The following MAGI2 variants were observed in gnomAD, a reference collection of about 807,000 sequenced individuals.
MAGI2 encodes the protein membrane associated guanylate kinase, WW and PDZ domain containing 2.
In MAGI2, 35 loss-of-function variants were observed where a neutral mutation model predicts 133.3. The ratio of observed to expected loss-of-function variants is 0.26; its 90% CI spans 0.20 to 0.35. The LOEUF (loss-of-function observed/expected upper bound fraction) is 0.35, where lower values mean the gene tolerates loss of function less well. Among genes scored for constraint, MAGI2 ranks in the 10% least tolerant of loss-of-function variants. MAGI2 has a pLI of 1.00. For synonymous variants in MAGI2, 729 were observed against 710.6 expected (o/e 1.03, Z -0.41); for missense variants, 1,636 against 1,863.4 (o/e 0.88, Z 2.25).
chr7:79,077,209 T>C (rs1395463718), intron 1 of MAGI2, among the ~76,000 whole-genome samples: 2 of 152,140 alleles, frequency 1.3e-5, no homozygotes, highest in African/African-American at 4.8e-5. Context: ...CTAGCCCCCA[T>C]CTGATTCTTG....
At chr7:79,299,536 C>A (rs4730753) in intron 1 of MAGI2, among the ~76,000 whole-genome samples, 119,246 of 127,342 alleles carry the variant, frequency 0.94, 55,989 homozygotes, top group Non-Finnish European at 0.98. Context: ...AGCCTGGAGA[C>A]AGAGCAAGAC....
chr7:79,449,738 T>C (rs1849104463), intron 1 of MAGI2, among the ~76,000 whole-genome samples: 1 of 151,960 alleles, frequency 6.6e-6, no homozygotes, highest in Non-Finnish European at 1.5e-5. Context: ...ATAAGCCATA[T>C]TTTAATATGT....
chr7:78,353,546 A>G (rs1791742454), intron 7 of MAGI2, among the ~76,000 whole-genome samples: 1 of 152,236 alleles, frequency 6.6e-6, no homozygotes, highest in South Asian at 2.1e-4. Flanking sequence ...GGTCAGGAAA[A>G]TATAACACAA....
At chr7:78,727,591 A>G (rs530381530) in intron 2 of MAGI2, among the ~76,000 whole-genome samples, 7 of 152,216 alleles carry the variant, frequency 4.6e-5, no homozygotes, top group Non-Finnish European at 1.0e-4. Context: ...TTAAGATCCA[A>G]CTGAAGTATA....
At chr7:78,631,729 A>G (rs1416574898) in intron 2 of MAGI2, among the ~76,000 whole-genome samples, 1 of 152,188 alleles carries the variant, frequency 6.6e-6, no homozygotes, top group East Asian at 1.9e-4. Flanking sequence ...CTGGCTCGTC[A>G]TGTGTCATTC....
chr7:78,311,037 C>G (rs929623992), intron 9 of MAGI2, among the ~76,000 whole-genome samples: 1 of 152,106 alleles, frequency 6.6e-6, no homozygotes, highest in Non-Finnish European at 1.5e-5. Context: ...GTTCTCAGTG[C>G]CTTCTAAGTG....
At chr7:78,317,462 G>A (rs1787537693) in intron 9 of MAGI2, among the ~76,000 whole-genome samples, 1 of 152,230 alleles carries the variant, frequency 6.6e-6, no homozygotes, top group Non-Finnish European at 1.5e-5. Context: ...CGATAAGAAT[G>A]CGCATCAGCA....
chr7:79,316,077 A>G (rs1229294715), intron 1 of MAGI2, among the ~76,000 whole-genome samples: 4 of 152,012 alleles, frequency 2.6e-5, no homozygotes, highest in Non-Finnish European at 5.9e-5. Flanking sequence ...ATTAAATGTA[A>G]ATATAACGTA....
chr7:78,177,280 A>G (rs896386236), intron 14 of MAGI2, among the ~76,000 whole-genome samples: 1 of 152,298 alleles, frequency 6.6e-6, no homozygotes, highest in Non-Finnish European at 1.5e-5. Context: ...ACTTAGTCAC[A>G]TTGGGTACCA....
At position 78,270,527 on chromosome 7, in the gene MAGI2, G is replaced by GTGAAT. The variant is rs1291699325; in HGVS notation, c.1409-13951_1409-13947dup. Reference sequence around the variant, plus strand: ...GTATTTTATTATCTTTGTAGCAATTGTGAATGGGATTTCACTCATGACTTG... The same window carrying GTGAAT: ...GTATTTTATTATCTTTGTAGCAATTGTGAATTGAATGGGATTTCACTCATGACTTG... On this transcript the variant is annotated intron_variant, in intron 9 of 21. Transcript: ENST00000354212. Among the ~76,000 whole-genome samples, 15 of 152,190 alleles carry GTGAAT rather than the reference G, an allele frequency of 9.9e-5. No homozygotes were observed. The East Asian group carries it at 2.9e-3, about 29-fold the overall frequency.
chr7:78,668,818 A>T (rs1194761546), intron 2 of MAGI2, among the ~76,000 whole-genome samples: 1 of 141,334 alleles, frequency 7.1e-6, no homozygotes, highest in Non-Finnish European at 1.5e-5. Context: ...CTCCTGAATG[A>T]CTACTGGGTA....
At chr7:79,173,380 C>A (rs748512697) in intron 1 of MAGI2, among the ~76,000 whole-genome samples, 1 of 151,900 alleles carries the variant, frequency 6.6e-6, no homozygotes, top group Non-Finnish European at 1.5e-5. Flanking sequence ...GGCTGGAGTG[C>A]AATGGCACGA....
At chr7:78,149,123 A>C (rs1176712142) in intron 16 of MAGI2, among the ~76,000 whole-genome samples, 1 of 152,188 alleles carries the variant, frequency 6.6e-6, no homozygotes, top group African/African-American at 2.4e-5. Context: ...GATAATAAAA[A>C]ATTAAATTCC....
chr7:79,031,784 G>A (rs573054573), intron 1 of MAGI2, among the ~76,000 whole-genome samples: 2 of 152,054 alleles, frequency 1.3e-5, no homozygotes, highest in African/African-American at 4.8e-5. Flanking sequence ...TGTAAAAAAA[G>A]TTTAAGTATA....
At chr7:78,383,346 G>A (rs62461546) in intron 6 of MAGI2, among the ~76,000 whole-genome samples, 45,911 of 151,862 alleles carry the variant, frequency 0.3, 7,518 homozygotes, top group Middle Eastern at 0.43. Context: ...GTTTTTATAC[G>A]CATTTCTCTG....
chr7:79,316,610 C>T lies in MAGI2; in HGVS notation c.301+136410G>A, dbSNP rs544551308. ...TTGAGAAGATTTTGATTTTCTTATT[C>T]GGAAGGTCAATAACCTTGATTCATT... On this transcript the variant is annotated intron_variant, in intron 1 of 21. Transcript: ENST00000354212. Among the ~76,000 whole-genome samples, 5 of 152,214 alleles carry T rather than the reference C, an allele frequency of 3.3e-5. No individual in the cohort carries two copies. In the East Asian group the frequency reaches 9.6e-4, roughly 29 times the overall value.
chr7:78,335,490 A>T (rs373204590), intron 9 of MAGI2, among the ~76,000 whole-genome samples: 2 of 152,286 alleles, frequency 1.3e-5, no homozygotes, highest in East Asian at 3.9e-4. Context: ...TCTTTATAGG[A>T]TTTCACTCTT....
chr7:78,163,052 TC>T (rs1797256383), intron 15 of MAGI2, among the ~76,000 whole-genome samples: 1 of 152,202 alleles, frequency 6.6e-6, no homozygotes, highest in Non-Finnish European at 1.5e-5. Flanking sequence ...GATCCCTGAC[TC>T]ATTCATCTAG....
intron 2 of MAGI2, among the ~76,000 whole-genome samples, chr7:78,918,837 G>A (rs757635689): frequency 1.3e-5 from 2 of 151,900 alleles, no homozygotes; most frequent in Non-Finnish European, 2.9e-5. Context: ...ATATATATAC[G>A]ATGAAACTCA....
Sources: allele counts gnomAD v4.1 joint callset (sites outside exome capture counted in the v4.1 genomes callset), GRCh38; gene constraint gnomAD v4.1.1; transcripts MANE v1.5; gene names NCBI Gene and HGNC (gene_info 2026-07-23, HGNC 2026-07-21).